The following FNDC1 variants were observed in gnomAD, a reference collection of about 807,000 sequenced individuals.
FNDC1 encodes the protein fibronectin type III domain containing 1, also known as fibronectin type III domain-containing protein 1.
Under a neutral mutation model 168.0 loss-of-function variants are expected in FNDC1, and 96 were observed. The ratio of observed to expected loss-of-function variants is 0.57; its 90% CI spans 0.48 to 0.68. The LOEUF is 0.68. FNDC1 is among the 30% of genes least tolerant of loss of function. The pLI, the probability that FNDC1 is intolerant of heterozygous loss-of-function variation, is 0.00. For missense variants in FNDC1, 2,587 were observed against 2,482.1 expected, an observed-to-expected ratio of 1.04 and a Z score of -0.90; for synonymous variants, 1,099 against 1,025.9, an observed-to-expected ratio of 1.07 and a Z score of -1.36.
rs766895954 is a variant in FNDC1, at chr6:159,238,653, C to G, written c.4168C>G (p.Arg1390Gly). 11 of 1,601,060 alleles carry G rather than the reference C, an allele frequency of 6.9e-6. No individual in the cohort carries two copies. The highest frequency in any genetic ancestry group is 2.3e-5 in the South Asian group (2 of 88,312). The change falls in exon 13 of 23, where the codon CGA (arginine) becomes GGA (glycine). Residue 1390 changes from arginine (R) to glycine (G), a missense_variant. Transcript: ENST00000297267. ...TCGGATTAAACTAGGAGGAGATGGT[C>G]GAACCATTGTAGGTAAGGGAGAATG... ...PLRIKLGGDG[R>G]TIVDLEGTPV... is the part of the protein sequence containing the mutation.
At chr6:159,246,165 C>T (rs944102962) in intron 14 of FNDC1, among the ~76,000 whole-genome samples, 2 of 152,156 alleles carry the variant, frequency 1.3e-5, no homozygotes, top group Admixed American at 1.3e-4. Flanking sequence ...CAAAATAGAT[C>T]TATTGGTTAG....
At chr6:159,185,935 T>C (rs1433481407) in intron 1 of FNDC1, among the ~76,000 whole-genome samples, 1 of 152,238 alleles carries the variant, frequency 6.6e-6, no homozygotes, top group African/African-American at 2.4e-5. Context: ...CTGAATTTAA[T>C]GCAATCTGTC....
intron 1 of FNDC1, among the ~76,000 whole-genome samples, chr6:159,170,508 C>G (rs760842659): frequency 3.3e-5 from 5 of 152,208 alleles, no homozygotes; most frequent in Non-Finnish European, 7.3e-5. Flanking sequence ...CATTCCTAAG[C>G]CTTTGGCGGC....
rs1283515548 is a variant in FNDC1, at chr6:159,221,733, C to G, written c.766+37C>G. On this transcript the variant is annotated intron_variant, in intron 6 of 22. Transcript: ENST00000297267. ...AGGATGCATTTGGTCAAACCATAGT[C>G]TGGTATGAATGCTATGTTGTTTCCA... The G allele has an allele frequency of 2.8e-6, 4 of 1,435,562 alleles. No homozygotes were observed. The South Asian group carries it at 4.6e-5, about 16-fold the overall frequency. 88.9% of individuals were successfully genotyped at this position (1,435,562 alleles called of 1,614,324 possible).
Position 159,234,358 on chromosome 6 carries a change from C to A in FNDC1, c.3846C>A (p.Thr1282=). Residue 1282 remains threonine (T), a synonymous_variant, in exon 11 of 23, where the codon ACC becomes ACA. Transcript: ENST00000297267. ...VAGTHPWPQY[T]TRAPPGHFST... The stretch of plus-strand genomic sequence containing the variant: ...GCACCCACCCCTGGCCGCAGTACAC[C>A]ACGCGCGCCCCACCTGGCCACTTCT... 6.2e-7 allele frequency: 1 copy of A among 1,612,112 alleles called. No individual in the cohort carries two copies. Among genetic ancestry groups the A allele is most frequent in the East Asian group, 2.2e-5 (1 of 44,812 alleles).
Position 159,234,384 on chromosome 6 carries a change from C to T in FNDC1, c.3872C>T (p.Ser1291Phe). 6.2e-7 allele frequency: 1 copy of T among 1,613,270 alleles called. No homozygotes were observed. The highest frequency in any genetic ancestry group is 8.5e-7 in the Non-Finnish European group (1 of 1,179,590). Residue 1291 changes from serine to phenylalanine, a missense_variant, in exon 11 of 23, where the codon TCC becomes TTC. Ser to Phe is a radical substitution (Grantham distance 155). Transcript: ENST00000297267. The part of the protein sequence containing the change: ...YTTRAPPGHF[S>F]TTPMLSLRQR... ...ACGCGCGCCCCACCTGGCCACTTCT[C>T]CACCACCCCGATGCTGTCCTTGCGC...
At chr6:159,171,103 G>A (rs1781647320) in intron 1 of FNDC1, among the ~76,000 whole-genome samples, 1 of 151,902 alleles carries the variant, frequency 6.6e-6, no homozygotes, top group South Asian at 2.1e-4. Context: ...GGGTCCGAGC[G>A]GGGTTGTTTG....
At chr6:159,247,047 T>C in intron 15 of FNDC1, 78 bp downstream of exon 15, 1 of 1,097,652 alleles carries the variant, frequency 9.1e-7, no homozygotes, top group Non-Finnish European at 1.4e-6. Context: ...ATTGAGTGGA[T>C]GATCTTGATG....
intron 6 of FNDC1, among the ~76,000 whole-genome samples, chr6:159,223,171 AT>A (rs1323405581): frequency 6.6e-6 from 1 of 151,388 alleles, no homozygotes; most frequent in African/African-American, 2.4e-5. Flanking sequence ...AATTTCTTAT[AT>A]TTTTTAGTAG....
At position 159,197,430 on chromosome 6, in the gene FNDC1, G is replaced by C. The variant is rs533334308; in HGVS notation, c.110-1G>C. The C allele has an allele frequency of 1.2e-6, 2 of 1,610,512 alleles. No individual in the cohort carries two copies. Among genetic ancestry groups the C allele is most frequent in the Non-Finnish European group, 1.7e-6 (2 of 1,178,436 alleles). On this transcript the variant is annotated splice_acceptor_variant, in intron 1 of 22. Transcript: ENST00000297267. LOFTEE classifies it high-confidence loss of function. ...AGTTGATAGTTGCGCTGTTTACATA[G>C]TTGACCACCCACTGAAGCCAAGGCA... is the stretch of plus-strand genomic sequence containing the variant.
chr6:159,264,836 G>T (rs1275242713), intron 19 of FNDC1, 139 bp from the exon 20 acceptor site: 2 of 631,438 alleles, frequency 3.2e-6, no homozygotes, highest in African/African-American at 3.7e-5. Flanking sequence ...ATAAAACCAA[G>T]GAAAACGTTG....
intron 4 of FNDC1, among the ~76,000 whole-genome samples, chr6:159,200,973 C>G (rs1782367015): frequency 1.3e-5 from 2 of 152,238 alleles, no homozygotes; most frequent in South Asian, 4.1e-4. Flanking sequence ...CATGTTGCTT[C>G]AAGTCTTGCT....
At chr6:159,230,692 C>A (rs1783063117) in intron 10 of FNDC1, among the ~76,000 whole-genome samples, 1 of 152,144 alleles carries the variant, frequency 6.6e-6, no homozygotes, top group Non-Finnish European at 1.5e-5. Flanking sequence ...TGTTTTTGGA[C>A]CATGTTTTCT....
In FNDC1 at chr6:159,240,601, C is replaced by T. The variant is rs1442084891; in HGVS notation, c.4621+644C>T. 2.0e-5 allele frequency among the ~76,000 whole-genome samples: 3 copies of T among 152,154 alleles called. No individual in the cohort carries two copies. In the East Asian group the frequency reaches 5.8e-4, roughly 29 times the overall value. On this transcript the variant is annotated intron_variant, in intron 14 of 22. Coordinates refer to ENST00000297267, the MANE Select transcript of FNDC1 (RefSeq NM_032532.3). ...GGCTTTCCACTGGGTAAGAATGCAC[C>T]ATTTTCCCTTCTCTGCTGATCTGCA...
At position 159,235,281 on chromosome 6, in the gene FNDC1, TAATTGGG is replaced by T. The variant is rs557011314; in HGVS notation, c.3967+803_3967+809del. ...TGGTGCTTTAAACCCTCCTTGTATG[TAATTGGG>T]GCTTTATAGAACATTCTTGAATGAA... On this transcript the variant is annotated intron_variant, in intron 11 of 22. Coordinates refer to ENST00000297267, the MANE Select transcript of FNDC1 (RefSeq NM_032532.3). Among the ~76,000 whole-genome samples, 73 of 151,410 alleles carry T rather than the reference TAATTGGG, an allele frequency of 4.8e-4. No individual in the cohort carries two copies. The South Asian group carries it at 4.8e-3, about 10-fold the overall frequency.
Position 159,269,118 on chromosome 6 carries a change from ATCCATCCATCTG to A in FNDC1, c.5569+1204_5569+1215del, listed in dbSNP as rs1777658396. The stretch of plus-strand genomic sequence containing the variant: ...TATCTATCCATTTGTTTATCTAGGT[ATCCATCCATCTG>A]TCCATCCATCTATCTATCCATCTGT... On this transcript the variant is annotated intron_variant, in intron 22 of 22. Coordinates refer to ENST00000297267, the MANE Select transcript of FNDC1 (RefSeq NM_032532.3). Among the ~76,000 whole-genome samples, 2 of 151,694 alleles carry A rather than the reference ATCCATCCATCTG, an allele frequency of 1.3e-5. 1 individual carries two copies. Among genetic ancestry groups the A allele is most frequent in the South Asian group, 4.2e-4 (2 of 4,806 alleles).
intron 4 of FNDC1, among the ~76,000 whole-genome samples, chr6:159,202,883 A>G (rs757274873): frequency 5.3e-5 from 8 of 152,246 alleles, no homozygotes; most frequent in Non-Finnish European, 1.0e-4. Flanking sequence ...TGGGGCTGCC[A>G]TAACAAAATG....
intron 4 of FNDC1, among the ~76,000 whole-genome samples, chr6:159,208,472 C>T (rs144956488): frequency 9.0e-4 from 137 of 152,272 alleles, no homozygotes; most frequent in African/African-American, 3.2e-3. Context: ...TTCTTGTGGT[C>T]GTGGGAAGGG....
chr6:159,256,125 T>C (rs1054022759), intron 17 of FNDC1, among the ~76,000 whole-genome samples: 1 of 152,174 alleles, frequency 6.6e-6, no homozygotes, highest in Non-Finnish European at 1.5e-5. Context: ...ACATTCTTCG[T>C]TTCCTGTGCA....
Sources: gnomAD v4.1 joint callset for allele counts (sites outside exome capture counted in the v4.1 genomes callset) on GRCh38, gnomAD v4.1.1 for gene constraint, MANE v1.5 for transcripts, NCBI Gene and HGNC (gene_info 2026-07-23, HGNC 2026-07-21) for gene names.